ADAM12: variants seen among roughly 807,000 people sequenced by gnomAD.
ADAM12 encodes disintegrin and metalloproteinase domain-containing protein 12.
ADAM12 carries 70 observed loss-of-function variants against 106.4 expected under a neutral mutation model. The observed-to-expected ratio is 0.66, with a 90% CI of 0.54 to 0.80. The LOEUF (loss-of-function observed/expected upper bound fraction) is 0.80. ADAM12 is among the 30% of genes least tolerant of loss of function. ADAM12 has a pLI of 0.00. For missense variants in ADAM12, 1,010 were observed against 1,171.9 expected, an observed-to-expected ratio of 0.86 and a Z score of 2.02; for synonymous variants, 420 against 433.5, an observed-to-expected ratio of 0.97 and a Z score of 0.39.
chr10:126,161,895 T>C (rs1001461239), intron 3 of ADAM12, among the ~76,000 whole-genome samples: 6 of 152,210 alleles, frequency 3.9e-5, no homozygotes, highest in African/African-American at 1.4e-4. Context: ...GGTGAATGCA[T>C]AATTTCATGA....
chr10:126,065,986 G>C (rs1954859639), intron 13 of ADAM12, among the ~76,000 whole-genome samples: 1 of 152,208 alleles, frequency 6.6e-6, no homozygotes, highest in African/African-American at 2.4e-5. Context: ...AACATTAAAT[G>C]TTATAATGCA....
intron 3 of ADAM12, among the ~76,000 whole-genome samples, chr10:126,253,634 A>G (rs1440394882): frequency 1.3e-5 from 2 of 152,104 alleles, no homozygotes; most frequent in Non-Finnish European, 2.9e-5. Flanking sequence ...CCCCCAGAGA[A>G]AACCCTGCTC....
intron 14 of ADAM12, among the ~76,000 whole-genome samples, chr10:126,063,519 T>C (rs1954802185): frequency 6.6e-6 from 1 of 152,210 alleles, no homozygotes; most frequent in Non-Finnish European, 1.5e-5. Flanking sequence ...ACAAAGGTCC[T>C]ATCAGGTTTC....
intron 11 of ADAM12, among the ~76,000 whole-genome samples, chr10:126,076,406 G>A (rs1955102972): frequency 6.6e-6 from 1 of 152,194 alleles, no homozygotes; most frequent in East Asian, 1.9e-4. Flanking sequence ...TTGGTAGAAT[G>A]AGTTATTTTC....
At chr10:126,356,713 T>G (rs374939536) in intron 1 of ADAM12, among the ~76,000 whole-genome samples, 3 of 152,270 alleles carry the variant, frequency 2.0e-5, no homozygotes, top group East Asian at 3.9e-4. Flanking sequence ...GTAAACTATA[T>G]GATACTACAG....
intron 3 of ADAM12, among the ~76,000 whole-genome samples, chr10:126,239,475 G>C (rs1958481737): frequency 6.6e-6 from 1 of 152,112 alleles, no homozygotes; most frequent in South Asian, 2.1e-4. Flanking sequence ...GGAGTACTTG[G>C]GGGTGTCTAG....
intron 3 of ADAM12, among the ~76,000 whole-genome samples, chr10:126,251,468 T>A (rs1265541618): frequency 3.9e-5 from 1 of 25,400 alleles, no homozygotes; most frequent in Non-Finnish European, 9.4e-5. Flanking sequence ...ATGGATGGGA[T>A]GGATGGGATG....
chr10:126,290,025 A>G (rs1413779529), intron 2 of ADAM12, among the ~76,000 whole-genome samples: 16 of 152,170 alleles, frequency 1.1e-4, no homozygotes, highest in Non-Finnish European at 2.9e-5. Flanking sequence ...GATGGGCCCA[A>G]TGTAATCACA....
intron 3 of ADAM12, among the ~76,000 whole-genome samples, chr10:126,254,664 C>T (rs73384734): frequency 0.01 from 1,532 of 152,200 alleles, 23 homozygotes; most frequent in African/African-American, 0.034. Flanking sequence ...GGATCCAGAG[C>T]ATCCATGGAG....
chr10:126,219,833 A>C (rs1479605018), intron 3 of ADAM12, among the ~76,000 whole-genome samples: 1 of 152,216 alleles, frequency 6.6e-6, no homozygotes. Context: ...AAGTAAAAAA[A>C]ATTATTGTCA....
At chr10:126,115,229 C>T (rs550980412) in intron 6 of ADAM12, among the ~76,000 whole-genome samples, 49 of 152,278 alleles carry the variant, frequency 3.2e-4, no homozygotes, top group African/African-American at 1.2e-3. Flanking sequence ...AAAGAAAAGG[C>T]AATTCAAAAA....
chr10:126,312,835 C>G (rs896922939), intron 2 of ADAM12, among the ~76,000 whole-genome samples: 1 of 152,180 alleles, frequency 6.6e-6, no homozygotes, highest in Non-Finnish European at 1.5e-5. Context: ...GAACGATGCC[C>G]TCTCATCGCA....
intron 3 of ADAM12, among the ~76,000 whole-genome samples, chr10:126,255,377 CGAG>C (rs1958870021): frequency 6.6e-6 from 1 of 152,094 alleles, no homozygotes; most frequent in Non-Finnish European, 1.5e-5. Context: ...GATGGTGTCC[CGAG>C]TCCAGCTCTC....
At chr10:126,243,618 A>G (rs1039707619) in intron 3 of ADAM12, among the ~76,000 whole-genome samples, 1 of 152,140 alleles carries the variant, frequency 6.6e-6, no homozygotes, top group Non-Finnish European at 1.5e-5. Flanking sequence ...TTCAGGGTGA[A>G]TACATTTTTA....
chr10:126,163,630 A>G (rs1956975286), intron 3 of ADAM12, among the ~76,000 whole-genome samples: 1 of 152,228 alleles, frequency 6.6e-6, no homozygotes. Context: ...TTTCATTAAG[A>G]TAACATATGT....
At chr10:126,385,241 T>C (rs1479353870) in intron 1 of ADAM12, among the ~76,000 whole-genome samples, 2 of 152,164 alleles carry the variant, frequency 1.3e-5, no homozygotes, top group Non-Finnish European at 2.9e-5. Context: ...CTACAAACCT[T>C]GTCCTTTGGG....
At chr10:126,098,166 T>C (rs1225890324) in intron 10 of ADAM12, among the ~76,000 whole-genome samples, 1 of 152,220 alleles carries the variant, frequency 6.6e-6, no homozygotes, top group African/African-American at 2.4e-5. Context: ...AAAATGTTTC[T>C]CCATAAAAGA....
In ADAM12 at chr10:126,194,946, G is replaced by A. The variant is rs1957569547; in HGVS notation, c.261-39641C>T. On this transcript the variant is annotated intron_variant, in intron 3 of 22. Transcript: ENST00000448723. ...ACGCTTGAATGCCTATGGCAGTGAG[G>A]TAGAATTTGATAGTCTTGTTACTTT... Among the ~76,000 whole-genome samples the A allele has an allele frequency of 3.3e-5, 5 of 152,322 alleles. 1 individual carries two copies. In the South Asian group the frequency reaches 1.0e-3, roughly 32 times the overall value.
Position 126,072,739 on chromosome 10 carries a change from C to A in ADAM12, c.1146-1085G>T, listed in dbSNP as rs115699304. 5.8e-3 allele frequency among the ~76,000 whole-genome samples: 880 copies of A among 152,282 alleles called. 12 individuals are homozygous for A. The highest frequency in any genetic ancestry group is 0.02 in the African/African-American group (830 of 41,554). On this transcript the variant is annotated intron_variant, in intron 11 of 22. Transcript: ENST00000448723. ...AAATGCATTTTCCCATGTCTTGAGG[C>A]AGCAAGGATTATTAAGGTATAAGCA...
Sources: gnomAD v4.1 joint callset for allele counts (sites outside exome capture counted in the v4.1 genomes callset) on GRCh38, gnomAD v4.1.1 for gene constraint, MANE v1.5 for transcripts, NCBI Gene and HGNC (gene_info 2026-07-23, HGNC 2026-07-21) for gene names.